TNKS2: variants seen among roughly 807,000 people sequenced by gnomAD.
TNKS2 encodes poly [ADP-ribose] polymerase tankyrase-2.
TNKS2 carries 72 observed loss-of-function variants against 137.6 expected under a neutral mutation model. The ratio of observed to expected loss-of-function variants is 0.52; its 90% CI spans 0.43 to 0.64. TNKS2 has a LOEUF of 0.64. TNKS2 is among the 30% of genes least tolerant of loss of function. The pLI is 0.00. For synonymous variants in TNKS2, 516 were observed against 512.1 expected, an observed-to-expected ratio of 1.01 and a Z score of -0.10; for missense variants, 1,049 against 1,410.2, an observed-to-expected ratio of 0.74 and a Z score of 4.10.
intron 20 of TNKS2, among the ~76,000 whole-genome samples, chr10:91,850,259 C>T (rs1842502224): frequency 6.6e-6 from 1 of 151,070 alleles, no homozygotes; most frequent in African/African-American, 2.4e-5. Context: ...ATCCCACCTA[C>T]TCGGGAGGCT....
intron 12 of TNKS2, 43 bp from the exon 13 acceptor site, chr10:91,836,876 C>G (rs1282247144): frequency 1.3e-6 from 2 of 1,584,880 alleles, no homozygotes; most frequent in Non-Finnish European, 1.7e-6. Context: ...TTCCATCTTC[C>G]AAATAGAGGT....
intron 20 of TNKS2, among the ~76,000 whole-genome samples, chr10:91,850,212 C>CA (rs1378541893): frequency 6.7e-6 from 1 of 148,256 alleles, no homozygotes; most frequent in Admixed American, 6.7e-5. Flanking sequence ...ACTAAAAATA[C>CA]AAAGAAATTA....
intron 3 of TNKS2, 117 bp from the exon 4 acceptor site, chr10:91,819,153 T>G (rs1260643602): frequency 1.6e-6 from 1 of 611,062 alleles, no homozygotes; most frequent in Non-Finnish European, 2.7e-6. Flanking sequence ...TATTTTCCAT[T>G]TATTGGAAAT....
At chr10:91,846,220 C>A (rs1439631672) in intron 18 of TNKS2, among the ~76,000 whole-genome samples, 1 of 152,130 alleles carries the variant, frequency 6.6e-6, no homozygotes, top group African/African-American at 2.4e-5. Flanking sequence ...AGTTAGGAAA[C>A]TAAACAGACC....
intron 7 of TNKS2, among the ~76,000 whole-genome samples, chr10:91,826,144 T>G (rs1328781390): frequency 2.0e-5 from 3 of 152,220 alleles, no homozygotes; most frequent in Non-Finnish European, 4.4e-5. Context: ...TGAAATTCAC[T>G]TACGTTTCAT....
chr10:91,855,781 C>T, intron 23 of TNKS2, 93 bp downstream of exon 23: 1 of 850,500 alleles, frequency 1.2e-6, no homozygotes, highest in East Asian at 3.0e-5. Context: ...TCTGTCTAGC[C>T]TGGTAAGTCC....
chr10:91,851,956 C>T (rs373640053), intron 21 of TNKS2, among the ~76,000 whole-genome samples: 6 of 152,308 alleles, frequency 3.9e-5, no homozygotes, highest in East Asian at 1.9e-4. Flanking sequence ...TGGCCAAACG[C>T]GGTGGCTCAC....
At chr10:91,803,294 C>T (rs1286077480) in intron 1 of TNKS2, among the ~76,000 whole-genome samples, 2 of 152,160 alleles carry the variant, frequency 1.3e-5, no homozygotes, top group Non-Finnish European at 2.9e-5. Flanking sequence ...AGGAGTATCA[C>T]CTGAACTCAA....
At chr10:91,825,666 A>C (rs977423545) in intron 7 of TNKS2, among the ~76,000 whole-genome samples, 1 of 152,252 alleles carries the variant, frequency 6.6e-6, no homozygotes, top group African/African-American at 2.4e-5. Context: ...AAGAGTAAGA[A>C]GCTGGTTCAC....
rs1844044463 is a variant in TNKS2 at position 91,798,581 on chromosome 10, C to G, written c.-110C>G. The G allele has an allele frequency of 3.4e-6, 4 of 1,166,278 alleles. No homozygotes were observed. In the Admixed American group the frequency reaches 1.8e-4, roughly 52 times the overall value. 72.2% of individuals were successfully genotyped at this position (1,166,278 alleles called of 1,614,324 possible). ...CCGGTGACAGCAGGGAGCCAAGCGG[C>G]CCGGGCCCTGAGCGCGTCTTCTCCG... is the stretch of plus-strand genomic sequence containing the variant. On this transcript the variant is annotated 5_prime_UTR_variant, in exon 1 of 27. Transcript: ENST00000371627.
intron 13 of TNKS2, among the ~76,000 whole-genome samples, chr10:91,839,335 A>AT (rs11421323): frequency 0.7 from 105,078 of 150,848 alleles, 37,706 homozygotes; most frequent in East Asian, 0.91. Context: ...AACCATCAGC[A>AT]TTTTTTTTTC....
intron 2 of TNKS2, among the ~76,000 whole-genome samples, chr10:91,814,672 C>A (rs1264932832): frequency 6.6e-6 from 1 of 152,164 alleles, no homozygotes; most frequent in East Asian, 1.9e-4. Flanking sequence ...GATGTACTTA[C>A]CATTGTATTA....
chr10:91,862,237 A>G, intron 26 of TNKS2, 82 bp downstream of exon 26: 1 of 1,148,326 alleles, frequency 8.7e-7, no homozygotes, highest in Non-Finnish European at 1.2e-6. Context: ...AATTGACAAG[A>G]CATATTGCCT....
intron 1 of TNKS2, among the ~76,000 whole-genome samples, chr10:91,800,939 G>C (rs777212295): frequency 1.3e-5 from 2 of 152,218 alleles, no homozygotes; most frequent in Non-Finnish European, 2.9e-5. Flanking sequence ...CAAGCATACT[G>C]TTGGAAGTTC....
chr10:91,812,845 C>T, intron 1 of TNKS2, 138 bp from the exon 2 acceptor site: 1 of 1,450,474 alleles, frequency 6.9e-7, no homozygotes, highest in Non-Finnish European at 9.1e-7. Flanking sequence ...TTTCTGATCA[C>T]CTTTCCATTA....
chr10:91,810,931 T>C (rs1227814595), intron 1 of TNKS2, among the ~76,000 whole-genome samples: 1 of 117,870 alleles, frequency 8.5e-6, no homozygotes, highest in Non-Finnish European at 1.8e-5. Context: ...TTTTTTTTTT[T>C]TTTTTTTTTT....
intron 2 of TNKS2, among the ~76,000 whole-genome samples, chr10:91,814,922 G>A (rs548535187): frequency 2.6e-5 from 4 of 152,348 alleles, no homozygotes; most frequent in African/African-American, 9.6e-5. Context: ...GACTGGGTAG[G>A]ATGGATGGCA....
chr10:91,802,176 G>A lies in TNKS2; in HGVS notation c.199+3287G>A, dbSNP rs184548528. Among the ~76,000 whole-genome samples the A allele has an allele frequency of 3.3e-4, 50 of 152,238 alleles. No homozygotes were observed. In the East Asian group the frequency reaches 7.3e-3, roughly 22 times the overall value. ...CCACATACATAGGACCAGTTAGACCGGACTTGGATTATTATATTCAATTGT... is the reference window on the plus strand; with the variant it reads ...CCACATACATAGGACCAGTTAGACCAGACTTGGATTATTATATTCAATTGT... On this transcript the variant is annotated intron_variant, in intron 1 of 26. Transcript: ENST00000371627.
intron 1 of TNKS2, among the ~76,000 whole-genome samples, chr10:91,808,077 A>C (rs1844388037): frequency 6.6e-6 from 1 of 152,024 alleles, no homozygotes; most frequent in Non-Finnish European, 1.5e-5. Context: ...ATGAACAGCA[A>C]AGACAAAAAT....
Sources: gnomAD v4.1 joint callset for allele counts (sites outside exome capture counted in the v4.1 genomes callset) on GRCh38, gnomAD v4.1.1 for gene constraint, MANE v1.5 for transcripts, NCBI Gene and HGNC (gene_info 2026-07-23, HGNC 2026-07-21) for gene names.